Variants in CASR observed in about 807,000 individuals in gnomAD.
CASR encodes calcium sensing receptor.
In CASR, 23 loss-of-function variants were observed where a neutral mutation model predicts 69.1. The ratio of observed to expected loss-of-function variants is 0.33; its 90% confidence interval spans 0.24 to 0.47. The LOEUF is 0.47. Ranked by LOEUF, CASR falls within the 20% of genes least tolerant of loss-of-function variation. The pLI is 1.00. For synonymous variants in CASR, 541 were observed against 544.7 expected (o/e 0.99, Z 0.10); for missense variants, 924 against 1,356.1 (o/e 0.68, Z 5.00).
intron 1 of CASR, among the ~76,000 whole-genome samples, chr3:122,212,645 T>C (rs918984409): frequency 1.6e-4 from 2 of 12,446 alleles, no homozygotes; most frequent in African/African-American, 4.2e-4. Flanking sequence ...TTTCTACAAT[T>C]TTTTTTTTTT....
At chr3:122,189,642 T>C (rs867343283) in intron 1 of CASR, among the ~76,000 whole-genome samples, 2 of 152,212 alleles carry the variant, frequency 1.3e-5, no homozygotes, top group Non-Finnish European at 2.9e-5. Flanking sequence ...GTCACACACA[T>C]GCAAGTAAAA....
At chr3:122,186,388 G>A (rs2073783674) in intron 1 of CASR, among the ~76,000 whole-genome samples, 1 of 152,166 alleles carries the variant, frequency 6.6e-6, no homozygotes, top group African/African-American at 2.4e-5. Context: ...ATAATGAAGA[G>A]GAAGAAGTTA....
intron 5 of CASR, among the ~76,000 whole-genome samples, chr3:122,281,294 T>A (rs2074884424): frequency 6.6e-6 from 1 of 152,242 alleles, no homozygotes; most frequent in Non-Finnish European, 1.5e-5. Flanking sequence ...ATTCGGTTGT[T>A]CTTTTGGGTT....
chr3:122,215,420 G>C (rs1372734959), intron 1 of CASR, among the ~76,000 whole-genome samples: 2 of 152,158 alleles, frequency 1.3e-5, no homozygotes, highest in Admixed American at 6.5e-5. Context: ...ATTAGCTACT[G>C]TAAATATTTT....
intron 3 of CASR, among the ~76,000 whole-genome samples, chr3:122,259,628 A>AT (rs11414721): frequency 0.47 from 57,112 of 121,428 alleles, 14,327 homozygotes; most frequent in Non-Finnish European, 0.5. Context: ...CACATTGGAA[A>AT]TTTTTTTTTT....
intron 1 of CASR, among the ~76,000 whole-genome samples, chr3:122,209,499 G>C (rs908364848): frequency 6.6e-6 from 1 of 152,188 alleles, no homozygotes; most frequent in African/African-American, 2.4e-5. Context: ...CATCTTATGT[G>C]GATGGTGTCA....
chr3:122,267,430 A>T (rs984748406), intron 4 of CASR, among the ~76,000 whole-genome samples: 7 of 152,250 alleles, frequency 4.6e-5, no homozygotes, highest in Non-Finnish European at 5.9e-5. Context: ...AGTAAGGAAA[A>T]AAAAATATCA....
chr3:122,249,869 G>T (rs142980029), intron 1 of CASR, among the ~76,000 whole-genome samples: 156 of 152,256 alleles, frequency 1.0e-3, no homozygotes, highest in African/African-American at 3.4e-3. Context: ...CCAGCCAGAA[G>T]CCTTTTTTCT....
In CASR at chr3:122,284,807, A is replaced by G. The variant is rs1576878683; in HGVS notation, c.2853A>G (p.Pro951=). 1 of 1,614,130 alleles carries G rather than the reference A, an allele frequency of 6.2e-7. No homozygotes were observed. Among genetic ancestry groups the G allele is most frequent in the Non-Finnish European group, 8.5e-7 (1 of 1,180,014 alleles). The stretch of plus-strand genomic sequence containing the variant: ...AGCAGCAGCAGCCCCTGACCCTCCC[A>G]CAGCAGCAACGATCTCAGCAGCAGC... ...QEQQQQPLTL[P]QQQRSQQQPR... The change falls in exon 7 of 7, where the codon CCA becomes CCG. Residue 951 remains proline (P), a synonymous_variant. Transcript: ENST00000639785.
At chr3:122,276,381 G>C in intron 5 of CASR, among the ~76,000 whole-genome samples, 1 of 152,218 alleles carries the variant, frequency 6.6e-6, no homozygotes, top group Non-Finnish European at 1.5e-5. Flanking sequence ...GGTCAAGTCA[G>C]TGGCTCTCAG....
At chr3:122,277,914 G>A (rs1419662651) in intron 5 of CASR, among the ~76,000 whole-genome samples, 1 of 152,114 alleles carries the variant, frequency 6.6e-6, no homozygotes, top group Non-Finnish European at 1.5e-5. Flanking sequence ...AGTCACTTAT[G>A]TTCTTGGAAT....
intron 1 of CASR, among the ~76,000 whole-genome samples, chr3:122,212,875 C>T (rs1168951660): frequency 1.3e-5 from 2 of 152,150 alleles, no homozygotes; most frequent in African/African-American, 4.8e-5. Flanking sequence ...CTCCTGACCT[C>T]AGGTGATCCG....
At chr3:122,280,663 C>G (rs1388416380) in intron 5 of CASR, among the ~76,000 whole-genome samples, 2 of 152,162 alleles carry the variant, frequency 1.3e-5, no homozygotes, top group South Asian at 4.1e-4. Context: ...ATTCCTCATT[C>G]ATTAGAAGAT....
rs2074528024 is a variant in CASR at position 122,254,209 on chromosome 3, G to C, written c.20G>C (p.Cys7Ser). The part of the protein sequence containing the change: MAFYSC[C>S]WVLLALTWHT... ...AGAACCATGGCATTTTATAGCTGCT[G>C]CTGGGTCCTCTTGGCACTCACCTGG... Residue 7 changes from cysteine (C) to serine (S), a missense_variant, in exon 2 of 7, where the codon TGC (cysteine) becomes TCC (serine). Cys to Ser is a moderately radical substitution (Grantham distance 112, BLOSUM62 -1). Around this residue, in one of 8 missense-constraint regions of CASR, gnomAD observed 28 missense variants for 22.1 expected, o/e 1.27. Coordinates refer to ENST00000639785, the MANE Select transcript of CASR (RefSeq NM_000388.4). 1 of 1,613,290 alleles carries C rather than the reference G, an allele frequency of 6.2e-7. No homozygotes were observed. The highest frequency in any genetic ancestry group is 1.1e-5 in the South Asian group (1 of 91,046).
At chr3:122,237,412 CTT>C (rs2074339206) in intron 1 of CASR, among the ~76,000 whole-genome samples, 1 of 152,188 alleles carries the variant, frequency 6.6e-6, no homozygotes, top group Non-Finnish European at 1.5e-5. Flanking sequence ...GCCGAAGTGT[CTT>C]TAAAATTCCA....
At chr3:122,229,072 T>C (rs770710971) in intron 1 of CASR, among the ~76,000 whole-genome samples, 2 of 152,216 alleles carry the variant, frequency 1.3e-5, no homozygotes, top group Non-Finnish European at 2.9e-5. Flanking sequence ...CTATGTGCCG[T>C]TAAGTCACTT....
intron 1 of CASR, among the ~76,000 whole-genome samples, chr3:122,197,035 A>T (rs2073898270): frequency 6.6e-6 from 1 of 152,174 alleles, no homozygotes. Flanking sequence ...ACTACAACCA[A>T]GATGCTGTAC....
At chr3:122,279,484 A>G (rs564322526) in intron 5 of CASR, among the ~76,000 whole-genome samples, 5 of 152,372 alleles carry the variant, frequency 3.3e-5, no homozygotes, top group African/African-American at 1.2e-4. Context: ...CAAACAGACC[A>G]GCAATGTATA....
intron 5 of CASR, among the ~76,000 whole-genome samples, chr3:122,278,844 A>G (rs1420792915): frequency 6.6e-6 from 1 of 152,240 alleles, no homozygotes; most frequent in Non-Finnish European, 1.5e-5. Context: ...ACCATTAAGA[A>G]GAAGAGAAAA....
Sources: allele counts gnomAD v4.1 joint callset (sites outside exome capture counted in the v4.1 genomes callset), GRCh38; gene constraint gnomAD v4.1.1; regional missense constraint gnomAD v4.1.1; transcripts MANE v1.5; gene names NCBI Gene and HGNC (gene_info 2026-07-23, HGNC 2026-07-21).